The following SLC26A8 variants were observed in gnomAD, a reference collection of about 807,000 sequenced individuals.
SLC26A8 encodes the protein solute carrier family 26 member 8, also known as testis anion transporter 1.
In SLC26A8, 70 loss-of-function variants were observed where a neutral mutation model predicts 105.0. The ratio of observed to expected loss-of-function variants is 0.67; its 90% CI spans 0.55 to 0.81. SLC26A8 has a LOEUF of 0.81. Ranked by LOEUF, SLC26A8 falls within the 40% of genes least tolerant of loss-of-function variation. The pLI is 0.00. For missense variants in SLC26A8, 998 were observed against 1,181.8 expected (o/e 0.84, Z 2.28); for synonymous variants, 415 against 438.3 (o/e 0.95, Z 0.66).
At position 35,992,599 on chromosome 6, in the gene SLC26A8, C is replaced by G. The variant is rs1437301573; in HGVS notation, c.703G>C (p.Ala235Pro). 10 of 1,614,016 alleles carry G rather than the reference C, an allele frequency of 6.2e-6. No homozygotes were observed. The Middle Eastern group carries it at 4.9e-4, about 80-fold the overall frequency. Residue 235 changes from alanine (A) to proline (P), a missense_variant, in exon 6 of 20, where the codon GCT becomes CCT. Transcript: ENST00000490799. ...GACAGCATGATATGAAGTGCCACAGCAGCCAGGTAAGCACTCATTGCAGAC... is the reference window on the plus strand; with the variant it reads ...GACAGCATGATATGAAGTGCCACAGGAGCCAGGTAAGCACTCATTGCAGAC... ...PESAMSAYLA[A>P]VALHIMLSQL... is the part of the protein sequence containing the mutation.
chr6:35,944,276 C>G lies in SLC26A8; in HGVS notation c.2537G>C (p.Gly846Ala), dbSNP rs748997621. The change falls in exon 20 of 20, where the codon GGC (glycine) becomes GCC (alanine). Residue 846 changes from glycine to alanine, a missense_variant. Transcript: ENST00000490799. Reference sequence around the variant, plus strand: ...TACAGGCTGTTGGATCTTGATGAAGCCTGGACTTACATTTTTTTGGCTTCC... The same window carrying G: ...TACAGGCTGTTGGATCTTGATGAAGGCTGGACTTACATTTTTTTGGCTTCC... ...FLGSQKNVSP[G>A]FIKIQQPVEE... 6.2e-7 allele frequency: 1 copy of G among 1,614,044 alleles called. No individual in the cohort carries two copies. Among genetic ancestry groups the G allele is most frequent in the African/African-American group, 1.3e-5 (1 of 74,980 alleles).
rs529477651 is a variant in SLC26A8 at position 35,971,826 on chromosome 6, C to T, written c.1288-2872G>A. Among the ~76,000 whole-genome samples, 29 of 152,270 alleles carry T rather than the reference C, an allele frequency of 1.9e-4. No individual in the cohort carries two copies. The South Asian group carries it at 2.5e-3, about 13-fold the overall frequency. ...ACAATAACCCATTTTTAAAGCTGTT[C>T]GGGGAGCCTGGGCAAGGCAGGTCCT... On this transcript the variant is annotated intron_variant, in intron 10 of 19. Transcript: ENST00000490799.
At chr6:35,982,782 G>A (rs1773328830) in intron 7 of SLC26A8, among the ~76,000 whole-genome samples, 1 of 152,042 alleles carries the variant, frequency 6.6e-6, no homozygotes, top group African/African-American at 2.4e-5. Flanking sequence ...GGCTTGTTGA[G>A]GTATACCAAA....
intron 19 of SLC26A8, among the ~76,000 whole-genome samples, chr6:35,948,905 C>G (rs918075892): frequency 2.6e-5 from 4 of 152,090 alleles, no homozygotes; most frequent in Non-Finnish European, 5.9e-5. Context: ...TAGCATAAAC[C>G]CTTTTGTCCT....
chr6:35,998,350 G>A (rs553491485), intron 4 of SLC26A8, among the ~76,000 whole-genome samples: 3 of 152,274 alleles, frequency 2.0e-5, no homozygotes, highest in African/African-American at 7.2e-5. Flanking sequence ...GAGATCAGGA[G>A]TTTGAGACGA....
intron 7 of SLC26A8, among the ~76,000 whole-genome samples, chr6:35,988,640 A>AAAAAG (rs55827970): frequency 3.3e-5 from 5 of 151,836 alleles, no homozygotes; most frequent in East Asian, 1.9e-4. Flanking sequence ...GCCTCAAAGA[A>AAAAAG]AAAAGAAAAG....
chr6:35,954,079 GTAA>G (rs1295568753), intron 17 of SLC26A8, among the ~76,000 whole-genome samples: 2 of 152,198 alleles, frequency 1.3e-5, no homozygotes, highest in East Asian at 3.8e-4. Flanking sequence ...ACAGAGTGCT[GTAA>G]ACTGGGATAA....
chr6:35,997,062 T>C (rs1214144045), intron 5 of SLC26A8, among the ~76,000 whole-genome samples: 1 of 151,524 alleles, frequency 6.6e-6, no homozygotes, highest in Non-Finnish European at 1.5e-5. Context: ...ATGAAGCAAT[T>C]TTTGAAAAGG....
At chr6:35,988,158 A>T (rs1184835227) in intron 7 of SLC26A8, among the ~76,000 whole-genome samples, 1 of 151,106 alleles carries the variant, frequency 6.6e-6, no homozygotes, top group Non-Finnish European at 1.5e-5. Context: ...TGGTCGGCCC[A>T]CCTCGGCCTC....
intron 19 of SLC26A8, among the ~76,000 whole-genome samples, chr6:35,945,974 T>C (rs540458473): frequency 6.6e-6 from 1 of 152,322 alleles, no homozygotes; most frequent in Non-Finnish European, 1.5e-5. Context: ...TGCTGCTCCT[T>C]GGTCTTTTTG....
chr6:36,003,608 C>T (rs777908326), intron 3 of SLC26A8, among the ~76,000 whole-genome samples: 2 of 152,036 alleles, frequency 1.3e-5, no homozygotes, highest in Non-Finnish European at 2.9e-5. Flanking sequence ...CACCTCTCCC[C>T]ACAGAAGGAT....
At chr6:35,957,606 CT>C (rs71540136) in intron 16 of SLC26A8, among the ~76,000 whole-genome samples, 39,188 of 130,064 alleles carry the variant, frequency 0.3, 6,121 homozygotes, top group African/African-American at 0.47. Context: ...TGAGAGCCAC[CT>C]TTTTTTTTTT....
At chr6:35,975,561 G>T in intron 9 of SLC26A8, 73 bp from the exon 10 acceptor site, 2 of 794,858 alleles carry the variant, frequency 2.5e-6, no homozygotes, top group South Asian at 1.7e-5. Context: ...GAAGGCATAT[G>T]GTTTTTTTTT....
chr6:35,970,660 A>G (rs1461003201), intron 10 of SLC26A8, among the ~76,000 whole-genome samples: 3 of 152,138 alleles, frequency 2.0e-5, no homozygotes, highest in African/African-American at 4.8e-5. Flanking sequence ...CTTTTCTGCC[A>G]CTTTTTTTCT....
chr6:35,997,619 A>C, intron 5 of SLC26A8, 119 bp downstream of exon 5: 1 of 1,074,216 alleles, frequency 9.3e-7, no homozygotes, highest in Non-Finnish European at 1.3e-6. Flanking sequence ...TTTTTCAAAA[A>C]ATAAATCACT....
intron 11 of SLC26A8, among the ~76,000 whole-genome samples, chr6:35,966,527 ACT>A (rs1772523030): frequency 6.6e-6 from 1 of 152,202 alleles, no homozygotes. Flanking sequence ...AGAGATAACC[ACT>A]GGTATGTTCT....
chr6:35,955,043 A>C, intron 17 of SLC26A8, 109 bp downstream of exon 17: 2 of 1,306,414 alleles, frequency 1.5e-6, no homozygotes, highest in Non-Finnish European at 2.2e-6. Flanking sequence ...GTGGCCTAGC[A>C]GTCTCATAGC....
chr6:36,002,767 T>C (rs1451253000), intron 3 of SLC26A8, among the ~76,000 whole-genome samples: 1 of 151,778 alleles, frequency 6.6e-6, no homozygotes, highest in African/African-American at 2.4e-5. Flanking sequence ...AGTGCAGTGA[T>C]GATCTTGGCT....
chr6:35,987,911 CTTT>C (rs34557500), intron 7 of SLC26A8, among the ~76,000 whole-genome samples: 101 of 132,012 alleles, frequency 7.7e-4, no homozygotes, highest in Non-Finnish European at 7.9e-4. Flanking sequence ...ACCTTTCTTT[CTTT>C]TTTTTTTTTT....
Sources: allele counts gnomAD v4.1 joint callset (sites outside exome capture counted in the v4.1 genomes callset), GRCh38; gene constraint gnomAD v4.1.1; transcripts MANE v1.5; gene names NCBI Gene and HGNC (gene_info 2026-07-23, HGNC 2026-07-21).